PIP4K2A: variants seen among roughly 807,000 people sequenced by gnomAD.
PIP4K2A encodes phosphatidylinositol 5-phosphate 4-kinase type-2 alpha.
PIP4K2A carries 14 observed loss-of-function variants against 42.9 expected under a neutral mutation model. The observed-to-expected ratio is 0.33, with a 90% confidence interval of 0.22 to 0.51. The LOEUF (loss-of-function observed/expected upper bound fraction) is 0.51. PIP4K2A is among the 20% of genes least tolerant of loss of function. The pLI, the probability that PIP4K2A is intolerant of heterozygous loss-of-function variation, is 0.97. For synonymous variants in PIP4K2A, 192 were observed against 192.2 expected, an observed-to-expected ratio of 1.00 and a Z score of 0.01; for missense variants, 434 against 519.8, an observed-to-expected ratio of 0.83 and a Z score of 1.61.
intron 1 of PIP4K2A, among the ~76,000 whole-genome samples, chr10:22,630,590 C>G (rs538289478): frequency 2.6e-4 from 40 of 152,312 alleles, no homozygotes; most frequent in African/African-American, 9.4e-4. Context: ...TCAGCAGGTT[C>G]TAGAACTGCT....
At chr10:22,587,516 T>C (rs1471297146) in intron 4 of PIP4K2A, among the ~76,000 whole-genome samples, 1 of 152,110 alleles carries the variant, frequency 6.6e-6, no homozygotes, top group East Asian at 1.9e-4. Flanking sequence ...CCACAGAAAG[T>C]AGGAATGAAG....
chr10:22,682,585 C>T (rs569108062), intron 1 of PIP4K2A, among the ~76,000 whole-genome samples: 1 of 152,242 alleles, frequency 6.6e-6, no homozygotes, highest in East Asian at 1.9e-4. Flanking sequence ...TAACAAAGTA[C>T]ACAAAGAACA....
intron 6 of PIP4K2A, among the ~76,000 whole-genome samples, chr10:22,561,140 A>G (rs1262162313): frequency 6.6e-6 from 1 of 152,228 alleles, no homozygotes; most frequent in African/African-American, 2.4e-5. Flanking sequence ...ATGCCCTTCC[A>G]TTAAAAAGGA....
chr10:22,558,664 TTAA>T (rs764380905), intron 6 of PIP4K2A, among the ~76,000 whole-genome samples: 4 of 152,226 alleles, frequency 2.6e-5, no homozygotes, highest in Non-Finnish European at 4.4e-5. Flanking sequence ...TAAGAGGTCA[TTAA>T]TAACTTCTAA....
At chr10:22,593,104 A>G (rs943551276) in intron 3 of PIP4K2A, among the ~76,000 whole-genome samples, 8 of 152,204 alleles carry the variant, frequency 5.3e-5, no homozygotes, top group Non-Finnish European at 8.8e-5. Context: ...GGTAGAATCC[A>G]TTGCAGCAGT....
At chr10:22,636,815 AG>A (rs1838676288) in intron 1 of PIP4K2A, among the ~76,000 whole-genome samples, 1 of 152,200 alleles carries the variant, frequency 6.6e-6, no homozygotes, top group Non-Finnish European at 1.5e-5. Context: ...ACTGGCCGCG[AG>A]GGTGGCTTTG....
rs1833972082 is a variant in PIP4K2A, at chr10:22,714,418, C to T, written c.-92G>A. On this transcript the variant is annotated 5_prime_UTR_variant, in exon 1 of 10. Coordinates refer to ENST00000376573, the MANE Select transcript of PIP4K2A (RefSeq NM_005028.5). The stretch of plus-strand genomic sequence containing the variant: ...GGCCCGGGGAGGCAGCCGCATCCCC[C>T]CGGCGGCGGCCCCGGCGCGCCGCGC... 2 of 890,780 alleles carry T rather than the reference C, an allele frequency of 2.2e-6. No individual in the cohort carries two copies. The highest frequency in any genetic ancestry group is 2.8e-6 in the Non-Finnish European group (2 of 720,606). 55.2% of individuals were successfully genotyped at this position (890,780 alleles called of 1,614,324 possible).
chr10:22,655,908 T>C (rs546900840), intron 1 of PIP4K2A, among the ~76,000 whole-genome samples: 2 of 152,264 alleles, frequency 1.3e-5, no homozygotes, highest in South Asian at 2.1e-4. Flanking sequence ...TAGTGTTGCA[T>C]CGTTCCACTG....
chr10:22,631,244 A>C (rs1838539674), intron 1 of PIP4K2A, among the ~76,000 whole-genome samples: 1 of 152,178 alleles, frequency 6.6e-6, no homozygotes, highest in Non-Finnish European at 1.5e-5. Context: ...TGTCTCCCCC[A>C]AATTCCTACA....
At chr10:22,692,526 C>T (rs1280032873) in intron 1 of PIP4K2A, among the ~76,000 whole-genome samples, 1 of 152,104 alleles carries the variant, frequency 6.6e-6, no homozygotes, top group African/African-American at 2.4e-5. Context: ...GGATGTGATT[C>T]TAAATAAACA....
intron 1 of PIP4K2A, among the ~76,000 whole-genome samples, chr10:22,625,984 A>G (rs1050219017): frequency 6.6e-6 from 1 of 152,116 alleles, no homozygotes; most frequent in Non-Finnish European, 1.5e-5. Context: ...CACCAATGTC[A>G]CCTACACAAT....
chr10:22,663,414 T>C (rs1173632874), intron 1 of PIP4K2A, among the ~76,000 whole-genome samples: 1 of 152,218 alleles, frequency 6.6e-6, no homozygotes, highest in African/African-American at 2.4e-5. Flanking sequence ...ATATGGTTGG[T>C]TGTTTGGCTT....
At chr10:22,563,088 G>A (rs1836751624) in intron 6 of PIP4K2A, among the ~76,000 whole-genome samples, 1 of 152,130 alleles carries the variant, frequency 6.6e-6, no homozygotes, top group African/African-American at 2.4e-5. Context: ...TGTCAAGGCA[G>A]GCACACTCTC....
intron 1 of PIP4K2A, among the ~76,000 whole-genome samples, chr10:22,618,512 G>A (rs1838230329): frequency 6.6e-6 from 1 of 152,184 alleles, no homozygotes; most frequent in South Asian, 2.1e-4. Flanking sequence ...CTGCAGTTGT[G>A]ATCAGAACTT....
rs561333833 is a variant in PIP4K2A, at chr10:22,675,413, C to T, written c.144+38770G>A. ...CCAGCCTGACCAACATGGTGAAACC[C>T]CATCTCTACTAAAAATACAAAAATT... is the stretch of plus-strand genomic sequence containing the variant. On this transcript the variant is annotated intron_variant, in intron 1 of 9. Transcript: ENST00000376573. Among the ~76,000 whole-genome samples the T allele has an allele frequency of 3.9e-5, 6 of 152,202 alleles. No individual in the cohort carries two copies. In the East Asian group the frequency reaches 9.7e-4, roughly 24 times the overall value.
At chr10:22,583,402 G>T (rs1453941040) in intron 4 of PIP4K2A, among the ~76,000 whole-genome samples, 3 of 152,096 alleles carry the variant, frequency 2.0e-5, no homozygotes, top group Non-Finnish European at 1.5e-5. Flanking sequence ...GCCTGGGGCT[G>T]GGGGGGAGCT....
At chr10:22,554,534 A>C (rs561823390) in intron 6 of PIP4K2A, among the ~76,000 whole-genome samples, 3 of 152,362 alleles carry the variant, frequency 2.0e-5, no homozygotes, top group Non-Finnish European at 4.4e-5. Flanking sequence ...AGTTCAGTGC[A>C]GAAACAGCCA....
intron 4 of PIP4K2A, among the ~76,000 whole-genome samples, chr10:22,573,703 G>A (rs1295593890): frequency 6.6e-6 from 1 of 152,198 alleles, no homozygotes; most frequent in Admixed American, 6.5e-5. Context: ...AATGGAATTT[G>A]TATGGTCAAA....
At chr10:22,610,453 T>C (rs1838005542) in intron 1 of PIP4K2A, among the ~76,000 whole-genome samples, 1 of 152,272 alleles carries the variant, frequency 6.6e-6, no homozygotes, top group South Asian at 2.1e-4. Context: ...ACTTTCCTTG[T>C]TGCTAGCAAT....
Sources: gnomAD v4.1 joint callset for allele counts (sites outside exome capture counted in the v4.1 genomes callset) on GRCh38, gnomAD v4.1.1 for gene constraint, MANE v1.5 for transcripts, NCBI Gene and HGNC (gene_info 2026-07-23, HGNC 2026-07-21) for gene names.